Variants in GJD4 observed in about 807,000 individuals in gnomAD.
GJD4 encodes gap junction delta-4 protein.
A neutral mutation model predicts 17.9 loss-of-function variants in GJD4; 18 were observed. That is an observed-to-expected ratio of 1.00 (90% confidence interval 0.69 to 1.49). The LOEUF (loss-of-function observed/expected upper bound fraction) is 1.49, where lower values mean the gene tolerates loss of function less well. Among genes scored for constraint, GJD4 ranks in the 40% most tolerant of loss-of-function variants. The pLI is 0.00. For synonymous variants in GJD4, 293 were observed against 236.8 expected, an observed-to-expected ratio of 1.24 and a Z score of -2.18; for missense variants, 639 against 506.9, an observed-to-expected ratio of 1.26 and a Z score of -2.50.
chr10:35,607,443 C>A, intron 1 of GJD4, 135 bp from the exon 2 acceptor site: 1 of 678,774 alleles, frequency 1.5e-6, no homozygotes, highest in African/African-American at 1.8e-5. Flanking sequence ...AACGACAACA[C>A]AAACAAACAG....
At chr10:35,607,425 A>T (rs1478698611) in intron 1 of GJD4, 153 bp from the exon 2 acceptor site, 1 of 649,892 alleles carries the variant, frequency 1.5e-6, no homozygotes, top group African/African-American at 1.8e-5. Flanking sequence ...GTGTCCAACA[A>T]CAACAACAAC....
chr10:35,608,635 G>A lies in GJD4; in HGVS notation c.*9G>A. ...AGTCTGAGTGGGTGTGAAAAAAACA[G>A]CACCTGGCGGTGCCCCGGGGCTCAC... On this transcript the variant is annotated 3_prime_UTR_variant, in exon 2 of 2. Transcript: ENST00000321660. The A allele has an allele frequency of 6.8e-7, 1 of 1,467,064 alleles. No homozygotes were observed. The allele number at this position is 1,467,064 out of a possible 1,614,324, so 90.9% of individuals were successfully genotyped here.
chr10:35,607,535 T>A, intron 1 of GJD4, 43 bp from the exon 2 acceptor site: 1 of 1,346,534 alleles, frequency 7.4e-7, no homozygotes, highest in Non-Finnish European at 1.1e-6. Context: ...CTCAGGGCAG[T>A]GTATTCGGGG....
Position 35,608,020 on chromosome 10 carries a change from C to T in GJD4, c.507C>T (p.Ala169=). The T allele has an allele frequency of 6.2e-7, 1 of 1,611,638 alleles. No homozygotes were observed. Among genetic ancestry groups the T allele is most frequent in the African/African-American group, 1.3e-5 (1 of 74,872 alleles). ...ALHYFLFGFL[A]PKKFPCTRPP... ...ACTACTTTCTCTTTGGATTCCTGGCCCCGAAGAAGTTCCCTTGCACGCGCC... is the reference window on the plus strand; with the variant it reads ...ACTACTTTCTCTTTGGATTCCTGGCTCCGAAGAAGTTCCCTTGCACGCGCC... Residue 169 remains alanine, a synonymous_variant, in exon 2 of 2, where the codon GCC becomes GCT. Coordinates refer to ENST00000321660, the MANE Select transcript of GJD4 (RefSeq NM_153368.3).
In GJD4 at chr10:35,607,906, C is replaced by T. The variant is rs762037125; in HGVS notation, c.393C>T (p.Arg131=). ...QRRCPRPFGE[R]GGLQVPDFSA... Reference sequence around the variant, plus strand: ...GCTGCCCGCGGCCATTCGGGGAGCGCGGCGGCCTCCAGGTGCCCGACTTTT... The same window carrying T: ...GCTGCCCGCGGCCATTCGGGGAGCGTGGCGGCCTCCAGGTGCCCGACTTTT... Residue 131 remains arginine (R), a synonymous_variant, in exon 2 of 2, where the codon CGC becomes CGT. Coordinates refer to ENST00000321660, the MANE Select transcript of GJD4 (RefSeq NM_153368.3). 5.6e-6 allele frequency: 9 copies of T among 1,596,062 alleles called. No homozygotes were observed. The South Asian group carries it at 8.9e-5, about 16-fold the overall frequency.
chr10:35,608,674 AC>A lies in GJD4; in HGVS notation c.*49del. Reference sequence around the variant, plus strand: ...CCCGGGGCTCACGCCTGTAATCCCAACACTTTGGGAGGCCCAGGCAGGAGGA... The same window carrying A: ...CCCGGGGCTCACGCCTGTAATCCCAAACTTTGGGAGGCCCAGGCAGGAGGA... On this transcript the variant is annotated 3_prime_UTR_variant, in exon 2 of 2. Coordinates refer to ENST00000321660, the MANE Select transcript of GJD4 (RefSeq NM_153368.3). 3.0e-6 allele frequency: 4 copies of A among 1,353,036 alleles called. No homozygotes were observed. The highest frequency in any genetic ancestry group is 3.9e-6 in the Non-Finnish European group (4 of 1,015,186). The allele number at this position is 1,353,036 out of a possible 1,614,324, so 83.8% of individuals were successfully genotyped here.
chr10:35,607,825 C>T lies in GJD4; in HGVS notation c.312C>T (p.Ala104=), dbSNP rs747649153. The change falls in exon 2 of 2, where the codon GCC becomes GCT. Residue 104 remains alanine (A), a synonymous_variant. Transcript: ENST00000321660. ...TCCTGCACCGAGGAGCCACGCTCGCCGCGCTGGGCCCCCGCCGCTGCCCCG... is the reference window on the plus strand; with the variant it reads ...TCCTGCACCGAGGAGCCACGCTCGCTGCGCTGGGCCCCCGCCGCTGCCCCG... ...VYVLHRGATL[A]ALGPRRCPDP... The T allele has an allele frequency of 4.4e-6, 7 of 1,599,026 alleles. No homozygotes were observed. Among genetic ancestry groups the T allele is most frequent in the Admixed American group, 1.7e-5 (1 of 59,850 alleles).
intron 1 of GJD4, 28 bp downstream of exon 1, chr10:35,605,659 C>T: frequency 6.4e-7 from 1 of 1,562,790 alleles, no homozygotes; most frequent in Non-Finnish European, 8.8e-7. Context: ...CTCCAAACTC[C>T]TGCGCTGTTT....
intron 1 of GJD4, chr10:35,606,579 T>C (rs1835456598): frequency 6.6e-6 from 1 of 152,234 alleles, no homozygotes; most frequent in South Asian, 2.1e-4. Context: ...TGTTAAAAGT[T>C]CAACTCAATG....
Position 35,607,836 on chromosome 10 carries a change from C to A in GJD4, c.323C>A (p.Pro108His), listed in dbSNP as rs1757570035. 5 of 1,600,082 alleles carry A rather than the reference C, an allele frequency of 3.1e-6. No individual in the cohort carries two copies. The highest frequency in any genetic ancestry group is 3.4e-6 in the Non-Finnish European group (4 of 1,178,732). The change falls in exon 2 of 2, where the codon CCC becomes CAC. Residue 108 changes from proline (P) to histidine (H), a missense_variant. Transcript: ENST00000321660. Reference sequence around the variant, plus strand: ...GGAGCCACGCTCGCCGCGCTGGGCCCCCGCCGCTGCCCCGACCCCCGGGAG... The same window carrying A: ...GGAGCCACGCTCGCCGCGCTGGGCCACCGCCGCTGCCCCGACCCCCGGGAG... ...HRGATLAALGPRRCPDPREPA... is the reference protein window; with the variant it reads ...HRGATLAALGHRRCPDPREPA...
intron 1 of GJD4, chr10:35,607,246 T>G: frequency 3.2e-6 from 1 of 313,006 alleles, no homozygotes; most frequent in Non-Finnish European, 5.9e-6. Context: ...ACAAGGATGT[T>G]CAGTGCTCAG....
Position 35,607,591 on chromosome 10 carries a change from C to A in GJD4, c.78C>A (p.Phe26Leu). The change falls in exon 2 of 2, where the codon TTC (phenylalanine) becomes TTA (leucine). Residue 26 changes from phenylalanine (F) to leucine (L), a missense_variant. Transcript: ENST00000321660. ...CNVTMVGKLW[F>L]VLTMLLRMLV... ...CCTCTCTTCCAGGAAAGCTCTGGTT[C>A]GTCCTCACGATGCTGCTGCGGATGC... is the stretch of plus-strand genomic sequence containing the variant. 6.2e-7 allele frequency: 1 copy of A among 1,613,852 alleles called. No homozygotes were observed. Among genetic ancestry groups the A allele is most frequent in the Non-Finnish European group, 8.5e-7 (1 of 1,179,732 alleles).
rs1835482219 is a variant in GJD4 at position 35,608,008 on chromosome 10, T to C, written c.495T>C (p.Phe165=). 6.2e-7 allele frequency: 1 copy of C among 1,611,882 alleles called. No individual in the cohort carries two copies. Among genetic ancestry groups the C allele is most frequent in the African/African-American group, 1.3e-5 (1 of 74,740 alleles). ...AAFGALHYFL[F]GFLAPKKFPC... is the part of the protein sequence containing the mutation. Reference sequence around the variant, plus strand: ...TCGGGGCCTTGCACTACTTTCTCTTTGGATTCCTGGCCCCGAAGAAGTTCC... The same window carrying C: ...TCGGGGCCTTGCACTACTTTCTCTTCGGATTCCTGGCCCCGAAGAAGTTCC... The change falls in exon 2 of 2, where the codon TTT becomes TTC. Residue 165 remains phenylalanine (F), a synonymous_variant. Coordinates refer to ENST00000321660, the MANE Select transcript of GJD4 (RefSeq NM_153368.3).
rs377442192 is a variant in GJD4, at chr10:35,608,407, G to T, written c.894G>T (p.Val298=). 1.3e-5 allele frequency: 20 copies of T among 1,549,700 alleles called. No individual in the cohort carries two copies. Among genetic ancestry groups the T allele is most frequent in the Non-Finnish European group, 1.7e-5 (19 of 1,147,040 alleles). Residue 298 remains valine, a synonymous_variant, in exon 2 of 2, where the codon GTG becomes GTT. Transcript: ENST00000321660. The part of the protein sequence containing the change: ...TKIPDEDESE[V]TSSASEKLGR... ...TTCCGGATGAGGATGAGAGTGAGGT[G>T]ACATCCTCCGCCAGCGAAAAGCTGG...
At position 35,607,357 on chromosome 10, in the gene GJD4, G is replaced by T. The variant is rs544191249; in HGVS notation, c.65-221G>T. The T allele has an allele frequency of 2.5e-4, 145 of 569,814 alleles. 1 individual carries two copies. In the South Asian group the frequency reaches 3.1e-3, roughly 12 times the overall value. The allele number at this position is 569,814 out of a possible 1,614,324, so 35.3% of individuals were successfully genotyped here. ...TCCCAGCTACTCAAGAGGCCAAGGC[G>T]GCAGGAGCACTTGAGGCCAGGAGTT... On this transcript the variant is annotated intron_variant, in intron 1 of 1. Coordinates refer to ENST00000321660, the MANE Select transcript of GJD4 (RefSeq NM_153368.3).
In GJD4 at chr10:35,607,730, T is replaced by C; in HGVS notation, c.217T>C (p.Ser73Pro). The C allele has an allele frequency of 3.1e-6, 5 of 1,613,798 alleles. No individual in the cohort carries two copies. Among genetic ancestry groups the C allele is most frequent in the Non-Finnish European group, 4.2e-6 (5 of 1,180,030 alleles). ...TTGCTACGACGTCTTCTCCCCCGTG[T>C]CTCACCTGCGGTTCTGGCTGATCCA... ...NVCYDVFSPV[S>P]HLRFWLIQGV... The change falls in exon 2 of 2, where the codon TCT (serine) becomes CCT (proline). Residue 73 changes from serine to proline, a missense_variant. By Grantham distance (74) the Ser-to-Pro change is moderately conservative. Coordinates refer to ENST00000321660, the MANE Select transcript of GJD4 (RefSeq NM_153368.3).
chr10:35,607,973 G>T lies in GJD4; in HGVS notation c.460G>T (p.Glu154Ter). Residue 154 changes from glutamate to a stop codon, truncating the protein, a stop_gained, in exon 2 of 2, where the codon GAG becomes TAG. Coordinates refer to ENST00000321660, the MANE Select transcript of GJD4 (RefSeq NM_153368.3). LOFTEE classifies it high-confidence loss of function. ...CCACCTCCTCCTCCGGACCCTGCTG[G>T]AGGCAGCCTTCGGGGCCTTGCACTA... The part of the protein sequence containing the change: ...IIHLLLRTLL[E>*]AAFGALHYFL... The T allele has an allele frequency of 1.2e-6, 2 of 1,611,648 alleles. No homozygotes were observed. The highest frequency in any genetic ancestry group is 1.7e-6 in the Non-Finnish European group (2 of 1,179,626).
intron 1 of GJD4, chr10:35,605,844 G>A (rs941765859): frequency 1.6e-5 from 9 of 572,604 alleles, no homozygotes; most frequent in East Asian, 2.9e-5. Context: ...CGGTTCCTCC[G>A]TCATGTAAGG....
In GJD4 at chr10:35,608,533, G is replaced by A. The variant is rs755990278; in HGVS notation, c.1020G>A (p.Ala340=). ...QPSAAPSRLA[A]PPSCSSLQPP... is the part of the protein sequence containing the mutation. ...CAGCAGCCCCCAGCCGCCTGGCCGCGCCCCCTTCCTGCAGCAGCCTGCAGC... is the reference window on the plus strand; with the variant it reads ...CAGCAGCCCCCAGCCGCCTGGCCGCACCCCCTTCCTGCAGCAGCCTGCAGC... Residue 340 remains alanine (A), a synonymous_variant, in exon 2 of 2, where the codon GCG becomes GCA. Transcript: ENST00000321660. The A allele has an allele frequency of 7.7e-6, 12 of 1,555,656 alleles. No individual in the cohort carries two copies. Among genetic ancestry groups the A allele is most frequent in the South Asian group, 3.5e-5 (3 of 84,764 alleles).
Sources: allele counts gnomAD v4.1 joint callset, GRCh38; gene constraint gnomAD v4.1.1; transcripts MANE v1.5; gene names NCBI Gene and HGNC (gene_info 2026-07-23, HGNC 2026-07-21).